DLGAP3: variants seen among roughly 807,000 people sequenced by gnomAD.
The protein encoded by DLGAP3 is disks large-associated protein 3.
DLGAP3 carries 17 observed loss-of-function variants against 81.2 expected under a neutral mutation model. That is an observed-to-expected ratio of 0.21 (90% CI 0.14 to 0.31). DLGAP3 has a LOEUF of 0.31. DLGAP3 is among the 10% of genes least tolerant of loss of function. DLGAP3 has a pLI of 1.00. For synonymous variants in DLGAP3, 577 were observed against 587.4 expected (o/e 0.98, Z 0.26); for missense variants, 1,124 against 1,388.0 (o/e 0.81, Z 3.02).
rs74716517 is a variant in DLGAP3 at position 34,902,263 on chromosome 1, G to A, written c.1108-1990C>T. Among the ~76,000 whole-genome samples, 3,330 of 152,250 alleles carry A rather than the reference G, an allele frequency of 0.022. 127 individuals carry two copies. The highest frequency in any genetic ancestry group is 0.074 in the African/African-American group (3,085 of 41,520). Reference sequence around the variant, plus strand: ...GGGGTAACGCCTCAGGGACAGCATAGGGTTCAGGGGAAAGGTGGAGACTCT... The same window carrying A: ...GGGGTAACGCCTCAGGGACAGCATAAGGTTCAGGGGAAAGGTGGAGACTCT... On this transcript the variant is annotated intron_variant, in intron 3 of 11. Coordinates refer to ENST00000373347, the MANE Select transcript of DLGAP3 (RefSeq NM_001080418.3). The surrounding 1 kb of genome is among the most constrained non-coding windows in gnomAD (Gnocchi z 4.4).
intron 5 of DLGAP3, among the ~76,000 whole-genome samples, chr1:34,892,057 A>G (rs1417539447): frequency 1.3e-5 from 2 of 152,264 alleles, no homozygotes; most frequent in Admixed American, 6.5e-5. Flanking sequence ...CAAAGACTAC[A>G]AGGCAGCTAT....
At chr1:34,925,250 G>A (rs1190409661) in intron 1 of DLGAP3, 1 of 152,640 alleles carries the variant, frequency 6.6e-6, no homozygotes, top group African/African-American at 2.4e-5. Flanking sequence ...CTTCCCTGAG[G>A]GAACCTTGAG....
chr1:34,897,576 T>G (rs911556010), intron 5 of DLGAP3, among the ~76,000 whole-genome samples: 1 of 152,128 alleles, frequency 6.6e-6, no homozygotes, highest in Non-Finnish European at 1.5e-5. Context: ...CACCAGGTCA[T>G]GCAGGCCTCG....
At chr1:34,911,538 T>C in intron 1 of DLGAP3, among the ~76,000 whole-genome samples, 1 of 152,148 alleles carries the variant, frequency 6.6e-6, no homozygotes. Context: ...ACTTTTGCAG[T>C]AGCCTATGGC....
At position 34,905,237 on chromosome 1, in the gene DLGAP3, G is replaced by A. The variant is rs201223655; in HGVS notation, c.147C>T (p.Ala49=). The change falls in exon 3 of 12, where the codon GCC becomes GCT. Residue 49 remains alanine, a synonymous_variant. Coordinates refer to ENST00000373347, the MANE Select transcript of DLGAP3 (RefSeq NM_001080418.3). ...AAATGTGTCCCAGGCCAGCTCTCGG[G>A]GCACAGAAGCGGGGCTCGGTGGAGA... ...EAFSTEPRFC[A]PRAGLGHISP... is the part of the protein sequence containing the mutation. The A allele has an allele frequency of 1.3e-6, 2 of 1,597,212 alleles. No individual in the cohort carries two copies. Among genetic ancestry groups the A allele is most frequent in the African/African-American group, 1.3e-5 (1 of 74,850 alleles).
chr1:34,887,925 A>G (rs995592234), intron 5 of DLGAP3, among the ~76,000 whole-genome samples: 1 of 152,242 alleles, frequency 6.6e-6, no homozygotes, highest in African/African-American at 2.4e-5. Flanking sequence ...GGCTAGCGGC[A>G]TGCGAAGGTC....
intron 1 of DLGAP3, among the ~76,000 whole-genome samples, chr1:34,919,076 C>A (rs1481253972): frequency 4.6e-5 from 7 of 152,274 alleles, no homozygotes; most frequent in African/African-American, 1.4e-4. Context: ...TTCGGCCCAA[C>A]CCCCATGCTC....
chr1:34,882,409 C>T (rs1639160162), intron 8 of DLGAP3, among the ~76,000 whole-genome samples: 1 of 152,024 alleles, frequency 6.6e-6, no homozygotes, highest in African/African-American at 2.4e-5. Context: ...ACCCGGGAGG[C>T]AGAGGTTGCA....
intron 5 of DLGAP3, among the ~76,000 whole-genome samples, chr1:34,892,121 C>T (rs1402691918): frequency 6.6e-6 from 1 of 152,062 alleles, no homozygotes; most frequent in Non-Finnish European, 1.5e-5. Context: ...TAAAGGAAAG[C>T]ATGACAACAA....
chr1:34,922,239 G>T (rs1378352394), intron 1 of DLGAP3, among the ~76,000 whole-genome samples: 2 of 152,166 alleles, frequency 1.3e-5, no homozygotes, highest in African/African-American at 4.8e-5. Flanking sequence ...ATGGAGAACA[G>T]TTGGCTCCCA....
At chr1:34,899,561 G>A (rs1042042415) in intron 5 of DLGAP3, 108 bp downstream of exon 5, 1 of 1,010,174 alleles carries the variant, frequency 9.9e-7, no homozygotes, top group African/African-American at 1.6e-5. Context: ...CCAGAGCCAG[G>A]CCTGAGCTCT....
intron 1 of DLGAP3, among the ~76,000 whole-genome samples, chr1:34,923,330 GCCTGTGGGC>G (rs1267565888): frequency 2.6e-5 from 4 of 152,162 alleles, no homozygotes; most frequent in African/African-American, 9.7e-5. Context: ...TCCCTTCCCA[GCCTGTGGGC>G]CCTACAAGGG....
intron 7 of DLGAP3, 29 bp downstream of exon 7, chr1:34,885,449 G>A (rs746346497): frequency 2.5e-6 from 4 of 1,602,610 alleles, no homozygotes; most frequent in Non-Finnish European, 3.4e-6. Flanking sequence ...CAGGGTCAGA[G>A]CCCTCGTGGG....
intron 5 of DLGAP3, among the ~76,000 whole-genome samples, chr1:34,887,818 G>T (rs759806863): frequency 2.6e-5 from 4 of 152,178 alleles, no homozygotes; most frequent in Non-Finnish European, 5.9e-5. Context: ...CTGTCAAATG[G>T]GAGTGATAAT....
In DLGAP3 at chr1:34,867,199, A is replaced by G. The variant is rs765086339; in HGVS notation, c.2578-8T>C. ...AGGGAACGCAGTGGGATCCTGCAAC[A>G]GAGGAAGATGGAGGGAAAGTGATTG... On this transcript the variant is annotated splice_polypyrimidine_tract_variant and splice_region_variant and intron_variant, in intron 10 of 11. Coordinates refer to ENST00000373347, the MANE Select transcript of DLGAP3 (RefSeq NM_001080418.3). The surrounding 1 kb of genome is among the most constrained non-coding windows in gnomAD (Gnocchi z 4.3). 6.2e-7 allele frequency: 1 copy of G among 1,614,124 alleles called. No homozygotes were observed. The highest frequency in any genetic ancestry group is 2.2e-5 in the East Asian group (1 of 44,890).
At chr1:34,919,151 A>G (rs184159221) in intron 1 of DLGAP3, among the ~76,000 whole-genome samples, 56 of 152,176 alleles carry the variant, frequency 3.7e-4, no homozygotes, top group African/African-American at 1.3e-3. Context: ...GAGAGGAGAG[A>G]GGCAAGAGGC....
chr1:34,866,817 G>C (rs911460233), intron 11 of DLGAP3, among the ~76,000 whole-genome samples: 2 of 152,274 alleles, frequency 1.3e-5, no homozygotes, highest in Admixed American at 1.3e-4. Flanking sequence ...CGCTGAGGAA[G>C]CCTTGGGGTT....
At position 34,885,160 on chromosome 1, in the gene DLGAP3, G is replaced by A; in HGVS notation, c.1915-97C>T. The A allele has an allele frequency of 1.0e-5, 12 of 1,201,374 alleles. 2 individuals carry two copies. The highest frequency in any genetic ancestry group is 7.6e-5 in the South Asian group (6 of 79,234). 74.4% of individuals were successfully genotyped at this position (1,201,374 alleles called of 1,614,324 possible). On this transcript the variant is annotated intron_variant, in intron 7 of 11. Coordinates refer to ENST00000373347, the MANE Select transcript of DLGAP3 (RefSeq NM_001080418.3). ...GCAATGGCTGCGCCCCAAGCCAGCT[G>A]GCAGGTCCTGCAAAGACCATCTGCC...
intron 5 of DLGAP3, among the ~76,000 whole-genome samples, chr1:34,898,258 C>T (rs1639405743): frequency 6.6e-6 from 1 of 152,056 alleles, no homozygotes; most frequent in Non-Finnish European, 1.5e-5. Flanking sequence ...TGTTTAGATC[C>T]TGGGGAGTTA....
Sources: allele counts gnomAD v4.1 joint callset (sites outside exome capture counted in the v4.1 genomes callset), GRCh38; gene constraint gnomAD v4.1.1; non-coding constraint Gnocchi (gnomAD v3.1); transcripts MANE v1.5; gene names NCBI Gene and HGNC (gene_info 2026-07-23, HGNC 2026-07-21).